The following ILDR1 variants were observed in gnomAD, a reference collection of about 807,000 sequenced individuals.
ILDR1 encodes the protein immunoglobulin like domain containing receptor 1, also known as immunoglobulin-like domain-containing receptor 1.
A neutral mutation model predicts 62.4 loss-of-function variants in ILDR1; 56 were observed. The ratio of observed to expected loss-of-function variants is 0.90; its 90% CI spans 0.72 to 1.12. The LOEUF is 1.12. Among genes scored for constraint, ILDR1 ranks in the 50% most tolerant of loss-of-function variants. The pLI is 0.00. For synonymous variants in ILDR1, 284 were observed against 277.8 expected (o/e 1.02, Z -0.22); for missense variants, 736 against 710.6 (o/e 1.04, Z -0.41).
In ILDR1 at chr3:122,022,176, C is replaced by T. The variant is rs955197939; in HGVS notation, c.-99G>A. ...AGGACGCACCACCTTCTCCAAGGAACCCCTCGGGTTTCCCCTCCCTCGGCG... is the reference window on the plus strand; with the variant it reads ...AGGACGCACCACCTTCTCCAAGGAATCCCTCGGGTTTCCCCTCCCTCGGCG... On this transcript the variant is annotated 5_prime_UTR_variant, in exon 1 of 8. Transcript: ENST00000344209. 2.3e-4 allele frequency: 244 copies of T among 1,081,514 alleles called. No individual in the cohort carries two copies. The highest frequency in any genetic ancestry group is 2.9e-4 in the Non-Finnish European group (213 of 743,634). The allele number at this position is 1,081,514 out of a possible 1,614,324, so 67.0% of individuals were successfully genotyped here.
intron 1 of ILDR1, among the ~76,000 whole-genome samples, chr3:122,017,141 C>T (rs71329251): frequency 1.3e-5 from 2 of 152,068 alleles, no homozygotes; most frequent in Non-Finnish European, 2.9e-5. Context: ...TCCGCCCCAC[C>T]GGGTTCAATT....
intron 1 of ILDR1, among the ~76,000 whole-genome samples, chr3:122,008,164 T>A: frequency 6.6e-6 from 1 of 152,136 alleles, no homozygotes; most frequent in Non-Finnish European, 1.5e-5. Context: ...ATAGAGCAAA[T>A]AAAACAGATG....
At chr3:122,005,024 A>G (rs2071582807) in intron 3 of ILDR1, among the ~76,000 whole-genome samples, 1 of 152,240 alleles carries the variant, frequency 6.6e-6, no homozygotes. Context: ...ATAGATAGCA[A>G]CAGAACAACC....
At chr3:121,992,326 C>T (rs1409336929) in intron 7 of ILDR1, among the ~76,000 whole-genome samples, 2 of 152,048 alleles carry the variant, frequency 1.3e-5, no homozygotes, top group African/African-American at 4.8e-5. Flanking sequence ...TTAGTAGAGA[C>T]ACAGTTTCAC....
chr3:122,044,802 CT>C, the ILDR1 span, among the ~76,000 whole-genome samples: 5 of 152,074 alleles, frequency 3.3e-5, no homozygotes, highest in Admixed American at 3.3e-4. Context: ...TTTGATTCTT[CT>C]CTCTTTTCTT....
At chr3:121,994,125 C>T (rs1458739715) in intron 6 of ILDR1, 57 bp downstream of exon 6, 7 of 1,530,220 alleles carry the variant, frequency 4.6e-6, no homozygotes, top group African/African-American at 2.7e-5. Flanking sequence ...TGATGTAGCC[C>T]ATGTTCCCGC....
the ILDR1 span, among the ~76,000 whole-genome samples, chr3:122,056,387 T>A: frequency 2.6e-5 from 4 of 152,150 alleles, no homozygotes; most frequent in Non-Finnish European, 4.4e-5. Context: ...CAAGCTGGAG[T>A]GCAGTGGCGC....
chr3:122,002,756 G>T (rs1436111738), intron 3 of ILDR1, among the ~76,000 whole-genome samples: 10 of 151,916 alleles, frequency 6.6e-5, no homozygotes, highest in Admixed American at 6.6e-4. Flanking sequence ...GCTTCCTGAC[G>T]CTCTCCCTCC....
rs544451436 is a variant in ILDR1 at position 122,017,480 on chromosome 3, T to C, written c.58+4540A>G. ...TCACCCAACGGCTTGTTTCACTGCA[T>C]TGTTGTTGGGGCAAGATGTTTAAAC... On this transcript the variant is annotated intron_variant, in intron 1 of 7. Transcript: ENST00000344209. 5.9e-5 allele frequency among the ~76,000 whole-genome samples: 9 copies of C among 152,336 alleles called. No individual in the cohort carries two copies. In the South Asian group the frequency reaches 1.9e-3, roughly 32 times the overall value.
chr3:122,010,674 C>T (rs956490032), intron 1 of ILDR1, among the ~76,000 whole-genome samples: 4 of 152,090 alleles, frequency 2.6e-5, no homozygotes, highest in African/African-American at 9.7e-5. Flanking sequence ...GGAGATCTCA[C>T]CAACCACAGT....
intron 1 of ILDR1, among the ~76,000 whole-genome samples, chr3:122,021,457 A>C (rs9289186): frequency 6.6e-6 from 1 of 152,112 alleles, no homozygotes; most frequent in African/African-American, 2.4e-5. Flanking sequence ...CACCTGATGC[A>C]GGATGAGCAA....
Position 121,993,167 on chromosome 3 carries a change from TC to T in ILDR1, c.1581del (p.Ser528ValfsTer52), listed in dbSNP as rs745654608. ...ITPGKNSRKK[G>X]SVERRSEKDS... The stretch of plus-strand genomic sequence containing the variant: ...AGGCTCACCGAGCGCCTCTCCACAC[TC>T]CCTTTTTTCCTGCTATTCTTGCCTG... On this transcript the variant is annotated frameshift_variant, in exon 7 of 8. Coordinates refer to ENST00000344209, the MANE Select transcript of ILDR1 (RefSeq NM_001199799.2). LOFTEE classifies it high-confidence loss of function. 3 of 1,605,222 alleles carry T rather than the reference TC, an allele frequency of 1.9e-6. No individual in the cohort carries two copies. The highest frequency in any genetic ancestry group is 1.7e-6 in the Non-Finnish European group (2 of 1,175,880).
chr3:121,988,552 C>A (rs2107634716), intron 7 of ILDR1, 144 bp from the exon 8 acceptor site: 1 of 705,304 alleles, frequency 1.4e-6, no homozygotes, highest in African/African-American at 1.7e-5. Flanking sequence ...AAAAGTATTT[C>A]TTTACTCTTC....
In ILDR1 at chr3:122,005,507, A is replaced by G; in HGVS notation, c.230-114T>C. On this transcript the variant is annotated intron_variant, in intron 2 of 7. Transcript: ENST00000344209. ...GTGAAGTGTCTCAATTTTTCCCAAG[A>G]CTATTCATCCCTTGGGACTCTTGTT... is the stretch of plus-strand genomic sequence containing the variant. 8.1e-6 allele frequency: 9 copies of G among 1,109,880 alleles called. No homozygotes were observed. In the South Asian group the frequency reaches 1.2e-4, roughly 15 times the overall value. The allele number at this position is 1,109,880 out of a possible 1,614,324, so 68.8% of individuals were successfully genotyped here.
chr3:122,034,224 G>A, the ILDR1 span, among the ~76,000 whole-genome samples: 1 of 152,124 alleles, frequency 6.6e-6, no homozygotes, highest in Non-Finnish European at 1.5e-5. Context: ...TGACCACAAG[G>A]TTAAATCCAG....
intron 3 of ILDR1, among the ~76,000 whole-genome samples, chr3:122,004,693 C>A (rs1473267001): frequency 2.6e-5 from 4 of 152,100 alleles, no homozygotes; most frequent in Non-Finnish European, 4.4e-5. Context: ...GAAACAGAAG[C>A]CAAAGAAAAT....
chr3:122,055,363 G>A, the ILDR1 span: 1 of 882,526 alleles, frequency 1.1e-6, no homozygotes, highest in Non-Finnish European at 1.9e-6. Context: ...TAGGTATACA[G>A]TCATTGCCGA....
At chr3:122,039,710 A>AAG in the ILDR1 span, among the ~76,000 whole-genome samples, 1 of 152,052 alleles carries the variant, frequency 6.6e-6, no homozygotes, top group Non-Finnish European at 1.5e-5. Flanking sequence ...CGAAGAAATG[A>AAG]AGAGATTTGA....
At chr3:122,011,616 T>C (rs73855493) in intron 1 of ILDR1, among the ~76,000 whole-genome samples, 38,235 of 149,976 alleles carry the variant, frequency 0.25, 5,027 homozygotes, top group Middle Eastern at 0.28. Flanking sequence ...CAGCATCCTG[T>C]GCAGACCTCA....
Sources: allele counts gnomAD v4.1 joint callset (sites outside exome capture counted in the v4.1 genomes callset), GRCh38; gene constraint gnomAD v4.1.1; transcripts MANE v1.5; gene names NCBI Gene and HGNC (gene_info 2026-07-23, HGNC 2026-07-21).